Variants in MAST2 observed in about 807,000 individuals in gnomAD.
The protein encoded by MAST2 is microtubule-associated serine/threonine-protein kinase 2.
A neutral mutation model predicts 147.4 loss-of-function variants in MAST2; 70 were observed. That is an observed-to-expected ratio of 0.47 (90% CI 0.39 to 0.58). The LOEUF (loss-of-function observed/expected upper bound fraction) is 0.58, where lower values mean the gene tolerates loss of function less well. Ranked by LOEUF, MAST2 falls within the 20% of genes least tolerant of loss-of-function variation. MAST2 has a pLI of 0.00. For synonymous variants in MAST2, 869 were observed against 896.8 expected, an observed-to-expected ratio of 0.97 and a Z score of 0.55; for missense variants, 2,080 against 2,302.3, an observed-to-expected ratio of 0.90 and a Z score of 1.98.
chr1:45,962,950 A>C (rs1660648551), intron 5 of MAST2, among the ~76,000 whole-genome samples: 1 of 152,192 alleles, frequency 6.6e-6, no homozygotes, highest in African/African-American at 2.4e-5. Flanking sequence ...ATACGGTGTA[A>C]GGAAGGGATC....
chr1:45,866,974 C>T (rs1036253074), intron 3 of MAST2, among the ~76,000 whole-genome samples: 1 of 152,120 alleles, frequency 6.6e-6, no homozygotes, highest in Non-Finnish European at 1.5e-5. Context: ...GGGTCTCAAA[C>T]TCCTGACCTC....
intron 3 of MAST2, among the ~76,000 whole-genome samples, chr1:45,871,946 T>A (rs1646409482): frequency 6.6e-6 from 1 of 152,226 alleles, no homozygotes; most frequent in African/African-American, 2.4e-5. Flanking sequence ...CCTAGGCTGG[T>A]CTCAAACTCT....
At position 45,829,559 on chromosome 1, in the gene MAST2, C is replaced by T; in HGVS notation, c.446C>T (p.Ala149Val). The change falls in exon 3 of 29, where the codon GCA (alanine) becomes GTA (valine). Residue 149 changes from alanine (A) to valine (V), a missense_variant. Ala to Val is a moderately conservative substitution (Grantham distance 64). Coordinates refer to ENST00000361297, the MANE Select transcript of MAST2 (RefSeq NM_015112.3). The part of the protein sequence containing the change: ...RMRNQSLGQS[A>V]PSLTAGLKEL... ...AGAAACCAGTCCCTTGGACAGTCTG[C>T]ACCTTCTCTTACTGCTGGCCTGGTA... 1.2e-6 allele frequency: 2 copies of T among 1,613,904 alleles called. No homozygotes were observed. Among genetic ancestry groups the T allele is most frequent in the Non-Finnish European group, 1.7e-6 (2 of 1,179,938 alleles).
At chr1:45,807,584 C>G (rs1644177848) in intron 1 of MAST2, among the ~76,000 whole-genome samples, 1 of 151,724 alleles carries the variant, frequency 6.6e-6, no homozygotes. Context: ...CTTTGTTGCC[C>G]AGGCTGGAGT....
chr1:45,917,198 G>A (rs936441730), intron 4 of MAST2: 1 of 372,166 alleles, frequency 2.7e-6, no homozygotes, highest in Admixed American at 3.9e-5. Context: ...CATTGGTACT[G>A]AAGTATGATA....
Position 45,920,116 on chromosome 1 carries a change from G to A in MAST2, c.500+37721G>A, listed in dbSNP as rs111641919. Among the ~76,000 whole-genome samples, 265 of 152,260 alleles carry A rather than the reference G, an allele frequency of 1.7e-3. 1 individual carries two copies. Among genetic ancestry groups the A allele is most frequent in the Middle Eastern group, 6.8e-3 (2 of 294 alleles). Reference sequence around the variant, plus strand: ...TCTATTTGATGCCCATGTATTGTGAGTTTTTTCCACTCAGGCTGATGGGAG... The same window carrying A: ...TCTATTTGATGCCCATGTATTGTGAATTTTTTCCACTCAGGCTGATGGGAG... On this transcript the variant is annotated intron_variant, in intron 4 of 28. Coordinates refer to ENST00000361297, the MANE Select transcript of MAST2 (RefSeq NM_015112.3).
In MAST2 at chr1:46,019,717, G is replaced by A. The variant is rs748551390; in HGVS notation, c.1290+20G>A. On this transcript the variant is annotated intron_variant, in intron 11 of 28. Transcript: ENST00000361297. ...TGCCTGGTGAGTGGACTCTAGGAAA[G>A]TCAGGTGGGCAGATTTAGAGGAGGA... 1.2e-6 allele frequency: 2 copies of A among 1,605,804 alleles called. No homozygotes were observed. Among genetic ancestry groups the A allele is most frequent in the Admixed American group, 3.3e-5 (2 of 60,006 alleles).
chr1:45,937,388 C>G (rs576665634), intron 4 of MAST2, among the ~76,000 whole-genome samples: 8 of 152,156 alleles, frequency 5.3e-5, no homozygotes, highest in African/African-American at 1.9e-4. Context: ...ACCTCAGCTT[C>G]CCAAGTAGCA....
rs747585688 is a variant in MAST2, at chr1:45,896,449, C to T, written c.500+14054C>T. ...AGGGAGCTTCTGTGCCCTCCCCAGC[C>T]GTGTCACTTCAATAACTTCCATGTG... On this transcript the variant is annotated intron_variant, in intron 4 of 28. Coordinates refer to ENST00000361297, the MANE Select transcript of MAST2 (RefSeq NM_015112.3). 3.3e-5 allele frequency among the ~76,000 whole-genome samples: 5 copies of T among 152,150 alleles called. No homozygotes were observed. The East Asian group carries it at 5.8e-4, about 18-fold the overall frequency.
intron 3 of MAST2, among the ~76,000 whole-genome samples, chr1:45,871,304 T>G (rs547600630): frequency 6.6e-6 from 1 of 152,158 alleles, no homozygotes; most frequent in East Asian, 1.9e-4. Flanking sequence ...TAGAACAAAT[T>G]CAAACTTTAA....
chr1:46,026,678 T>A (rs1169002028), intron 16 of MAST2, among the ~76,000 whole-genome samples: 1 of 150,540 alleles, frequency 6.6e-6, no homozygotes, highest in Non-Finnish European at 1.5e-5. Context: ...TGGGGAAGTA[T>A]AAAGGAAAGA....
At chr1:45,837,999 G>A (rs1570310182) in intron 3 of MAST2, among the ~76,000 whole-genome samples, 2 of 151,900 alleles carry the variant, frequency 1.3e-5, no homozygotes, top group African/African-American at 2.4e-5. Flanking sequence ...AGCTTGTCTC[G>A]AACTCCTGAC....
chr1:46,008,265 A>G, intron 8 of MAST2, 31 bp from the exon 9 acceptor site: 1 of 1,527,276 alleles, frequency 6.5e-7, no homozygotes, highest in Non-Finnish European at 9.1e-7. Flanking sequence ...CCATAGCACT[A>G]AAGTAACACA....
intron 4 of MAST2, among the ~76,000 whole-genome samples, chr1:45,928,605 A>C (rs1338880118): frequency 6.7e-6 from 1 of 149,488 alleles, no homozygotes; most frequent in Non-Finnish European, 1.5e-5. Context: ...CTTTTGAGAC[A>C]GAGTCTCTCT....
intron 4 of MAST2, 106 bp from the exon 5 acceptor site, chr1:45,959,280 G>T: frequency 2.6e-6 from 2 of 762,358 alleles, no homozygotes; most frequent in Non-Finnish European, 4.5e-6. Flanking sequence ...GAAGTATACT[G>T]TGCGGCCCGT....
At chr1:45,805,072 CG>C (rs1477263827) in intron 1 of MAST2, among the ~76,000 whole-genome samples, 1 of 116,388 alleles carries the variant, frequency 8.6e-6, no homozygotes, top group East Asian at 2.3e-4. Context: ...TTTTTTGAGA[CG>C]AAGTCTCGCT....
intron 3 of MAST2, among the ~76,000 whole-genome samples, chr1:45,835,351 G>A (rs775511747): frequency 7.2e-5 from 11 of 151,998 alleles, no homozygotes; most frequent in South Asian, 2.1e-4. Flanking sequence ...AGTGATTTTC[G>A]TTAGAAAACA....
intron 3 of MAST2, among the ~76,000 whole-genome samples, chr1:45,862,816 G>C (rs910066797): frequency 2.0e-5 from 3 of 152,190 alleles, no homozygotes; most frequent in Non-Finnish European, 4.4e-5. Context: ...CTGTCTTGGT[G>C]AAAGGTTGAT....
chr1:45,824,632 T>C, intron 2 of MAST2, 52 bp downstream of exon 2: 1 of 1,491,044 alleles, frequency 6.7e-7, no homozygotes, highest in Non-Finnish European at 9.0e-7. Context: ...GTGGTCAATA[T>C]TTAAGTGTAT....
Sources: gnomAD v4.1 joint callset for allele counts (sites outside exome capture counted in the v4.1 genomes callset) on GRCh38, gnomAD v4.1.1 for gene constraint, MANE v1.5 for transcripts, NCBI Gene and HGNC (gene_info 2026-07-23, HGNC 2026-07-21) for gene names.